The following CFAP69 variants were observed in gnomAD, a reference collection of about 807,000 sequenced individuals.
CFAP69 encodes the protein cilia- and flagella-associated protein 69.
CFAP69 carries 92 observed loss-of-function variants against 123.0 expected under a neutral mutation model. That is an observed-to-expected ratio of 0.75 (90% CI 0.63 to 0.89). The LOEUF (loss-of-function observed/expected upper bound fraction) is 0.89. CFAP69 is among the 40% of genes least tolerant of loss of function. The pLI is 0.00. For synonymous variants in CFAP69, 380 were observed against 364.3 expected, an observed-to-expected ratio of 1.04 and a Z score of -0.49; for missense variants, 1,067 against 1,096.9, an observed-to-expected ratio of 0.97 and a Z score of 0.39.
chr7:90,319,063 A>G, the CFAP69 span: 2 of 261,710 alleles, frequency 7.6e-6, no homozygotes, highest in African/African-American at 4.4e-5. Context: ...ATGAATAATT[A>G]CAGGGTTAAA....
At chr7:90,297,924 T>C in intron 16 of CFAP69, 94 bp downstream of exon 16, 1 of 788,926 alleles carries the variant, frequency 1.3e-6, no homozygotes, top group Non-Finnish European at 2.0e-6. Flanking sequence ...AGTCTATGAA[T>C]AAATGTGCCC....
chr7:90,299,796 C>T (rs17866529), intron 16 of CFAP69, 71 bp from the exon 17 acceptor site: 3 of 1,008,802 alleles, frequency 3.0e-6, no homozygotes, highest in Non-Finnish European at 4.1e-6. Flanking sequence ...GTGTTTCTCT[C>T]TTTTTTTTTT....
chr7:90,319,849 G>A, the CFAP69 span: 1 of 397,296 alleles, frequency 2.5e-6, no homozygotes, highest in East Asian at 3.6e-5. Context: ...ATTTGCTTTT[G>A]ATCAAGCCAA....
At chr7:90,264,937 G>A (rs1028335292) in intron 4 of CFAP69, among the ~76,000 whole-genome samples, 11 of 151,968 alleles carry the variant, frequency 7.2e-5, no homozygotes, top group Admixed American at 2.0e-4. Flanking sequence ...GGGACTACAG[G>A]TGCACGCCAC....
chr7:90,280,742 A>G (rs1562885329), intron 12 of CFAP69, among the ~76,000 whole-genome samples: 1 of 152,262 alleles, frequency 6.6e-6, no homozygotes, highest in Non-Finnish European at 1.5e-5. Context: ...AATAAGAAAT[A>G]CATTCCTTTT....
At chr7:90,287,522 C>T (rs2117151321) in intron 14 of CFAP69, 1 of 985,146 alleles carries the variant, frequency 1.0e-6, no homozygotes, top group Non-Finnish European at 1.2e-6. Flanking sequence ...AACTCTGAGT[C>T]TCAGAGATTG....
chr7:90,265,126 A>G (rs558009380), intron 4 of CFAP69, among the ~76,000 whole-genome samples, 175 bp from the exon 5 acceptor site: 43 of 152,200 alleles, frequency 2.8e-4, no homozygotes, highest in African/African-American at 8.9e-4. Flanking sequence ...ATACTATTAA[A>G]CTGTAATACT....
intron 19 of CFAP69, among the ~76,000 whole-genome samples, chr7:90,305,838 A>G (rs1793505386): frequency 6.6e-6 from 1 of 151,902 alleles, no homozygotes; most frequent in African/African-American, 2.4e-5. Flanking sequence ...AATACTTTTG[A>G]AGTCTCAAGA....
intron 6 of CFAP69, 57 bp downstream of exon 6, chr7:90,268,441 C>A (rs914202498): frequency 7.9e-7 from 1 of 1,258,904 alleles, no homozygotes; most frequent in Non-Finnish European, 1.1e-6. Context: ...ACAGAACATT[C>A]TCATATCTCT....
chr7:90,257,956 CATTTT>C, intron 2 of CFAP69, 137 bp from the exon 3 acceptor site: 1 of 560,986 alleles, frequency 1.8e-6, no homozygotes, highest in Non-Finnish European at 3.1e-6. Flanking sequence ...TTTCAGAAAA[CATTTT>C]ATAACGTTTA....
At chr7:90,253,515 C>T (rs758514200) in intron 1 of CFAP69, among the ~76,000 whole-genome samples, 12 of 152,082 alleles carry the variant, frequency 7.9e-5, no homozygotes, top group African/African-American at 2.4e-4. Flanking sequence ...CTCAGCCTCC[C>T]GAGTAGCTGG....
Position 90,307,869 on chromosome 7 carries a change from G to A in CFAP69, c.2550+15G>A. ...AAACGTTAAAGGTAGGATTTTTAAT[G>A]TATTATAGTATCCACAACAAATAGC... is the stretch of plus-strand genomic sequence containing the variant. On this transcript the variant is annotated intron_variant, in intron 21 of 22. Coordinates refer to ENST00000389297, the MANE Select transcript of CFAP69 (RefSeq NM_001039706.3). 2.0e-6 allele frequency: 3 copies of A among 1,513,018 alleles called. No homozygotes were observed. The highest frequency in any genetic ancestry group is 4.5e-5 in the East Asian group (2 of 44,156). 93.7% of individuals were successfully genotyped at this position (1,513,018 alleles called of 1,614,324 possible).
intron 2 of CFAP69, among the ~76,000 whole-genome samples, chr7:90,257,696 C>T (rs1797816106): frequency 6.6e-6 from 1 of 152,134 alleles, no homozygotes; most frequent in Admixed American, 6.6e-5. Context: ...CTACAAATGA[C>T]AGAATTTCAT....
intron 19 of CFAP69, among the ~76,000 whole-genome samples, chr7:90,305,236 G>A (rs1793392305): frequency 6.6e-6 from 1 of 151,386 alleles, no homozygotes. Context: ...AGCTACTCGG[G>A]AGGCTGAGGC....
intron 3 of CFAP69, 149 bp downstream of exon 3, chr7:90,258,312 T>C: frequency 1.6e-6 from 1 of 635,122 alleles, no homozygotes; most frequent in Non-Finnish European, 2.6e-6. Context: ...CATACAGTTT[T>C]GGAGGTTAGA....
chr7:90,250,817 A>T (rs538697929), intron 1 of CFAP69, among the ~76,000 whole-genome samples: 1 of 152,104 alleles, frequency 6.6e-6, no homozygotes, highest in Admixed American at 6.6e-5. Flanking sequence ...CCCCAACACA[A>T]ACCTCTTCCT....
At chr7:90,319,870 T>A in the CFAP69 span, 1 of 397,134 alleles carries the variant, frequency 2.5e-6, no homozygotes, top group Non-Finnish European at 4.4e-6. Context: ...ATCTGCTTAC[T>A]AGGTATTCAT....
the CFAP69 span, chr7:90,317,780 C>T: frequency 1.3e-5 from 2 of 152,026 alleles, no homozygotes; most frequent in East Asian, 1.9e-4. Flanking sequence ...TCAGGCAGTT[C>T]GTTACTTGTT....
intron 20 of CFAP69, 104 bp downstream of exon 20, chr7:90,307,202 G>A: frequency 1.3e-6 from 1 of 747,738 alleles, no homozygotes; most frequent in Non-Finnish European, 2.3e-6. Flanking sequence ...AGCACAGTAG[G>A]ACAACTATAG....
Sources: gnomAD v4.1 joint callset for allele counts (sites outside exome capture counted in the v4.1 genomes callset) on GRCh38, gnomAD v4.1.1 for gene constraint, MANE v1.5 for transcripts, NCBI Gene and HGNC (gene_info 2026-07-23, HGNC 2026-07-21) for gene names.